Variants in TNN observed in about 807,000 individuals in gnomAD.
TNN encodes tenascin-N.
In TNN, 122 loss-of-function variants were observed where a neutral mutation model predicts 134.4. The ratio of observed to expected loss-of-function variants is 0.91; its 90% CI spans 0.78 to 1.06. TNN has a LOEUF of 1.06. TNN is among the 50% of genes least tolerant of loss of function. TNN has a pLI of 0.00. For synonymous variants in TNN, 710 were observed against 670.3 expected (o/e 1.06, Z -0.91); for missense variants, 1,739 against 1,699.4 (o/e 1.02, Z -0.41).
intron 6 of TNN, among the ~76,000 whole-genome samples, chr1:175,086,520 G>A (rs922517428): frequency 1.3e-5 from 2 of 152,198 alleles, no homozygotes; most frequent in African/African-American, 4.8e-5. Flanking sequence ...GCCATTCGGG[G>A]AGACTAATCC....
intron 6 of TNN, among the ~76,000 whole-genome samples, chr1:175,091,513 T>C (rs901840270): frequency 5.3e-5 from 8 of 152,078 alleles, no homozygotes; most frequent in African/African-American, 1.9e-4. Context: ...TCCACCCATG[T>C]GGACATGATG....
intron 1 of TNN, among the ~76,000 whole-genome samples, chr1:175,071,093 T>C (rs996849607): frequency 2.6e-5 from 4 of 152,226 alleles, no homozygotes; most frequent in African/African-American, 9.6e-5. Flanking sequence ...TGGAAATCCA[T>C]GATGATACAC....
chr1:175,097,756 T>C (rs2149432901), intron 8 of TNN, 73 bp downstream of exon 8: 4 of 1,584,572 alleles, frequency 2.5e-6, no homozygotes, highest in Non-Finnish European at 3.4e-6. Context: ...TATCAAAGGA[T>C]GTGGCCTGAG....
At chr1:175,072,063 A>T (rs1252516647) in intron 1 of TNN, among the ~76,000 whole-genome samples, 1 of 152,214 alleles carries the variant, frequency 6.6e-6, no homozygotes, top group Non-Finnish European at 1.5e-5. Context: ...AATTAAAGCC[A>T]CAGGGGTAGA....
chr1:175,082,810 G>A (rs1674228397), intron 4 of TNN, among the ~76,000 whole-genome samples: 1 of 152,118 alleles, frequency 6.6e-6, no homozygotes, highest in African/African-American at 2.4e-5. Context: ...GAGAATTGGA[G>A]GGCCTTGGCT....
chr1:175,130,688 CAT>C (rs1675654934), intron 15 of TNN, among the ~76,000 whole-genome samples: 1 of 152,144 alleles, frequency 6.6e-6, no homozygotes, highest in African/African-American at 2.4e-5. Context: ...ACTTATTGCA[CAT>C]ATATTTATTG....
rs534615357 is a variant in TNN at position 175,141,370 on chromosome 1, G to A, written c.3596-3017G>A. ...GAGTCCCACCTGCATGGGCCACAGT[G>A]GGGACACAACCAGGGATGGATCCCA... On this transcript the variant is annotated intron_variant, in intron 17 of 18. Transcript: ENST00000239462. Among the ~76,000 whole-genome samples, 9 of 152,286 alleles carry A rather than the reference G, an allele frequency of 5.9e-5. No homozygotes were observed. The South Asian group carries it at 1.9e-3, about 32-fold the overall frequency.
chr1:175,077,888 G>A lies in TNN; in HGVS notation c.409+61G>A, dbSNP rs373213499. On this transcript the variant is annotated intron_variant, in intron 2 of 18. Coordinates refer to ENST00000239462, the MANE Select transcript of TNN (RefSeq NM_022093.2). ...TTGATGAGCACCTATTATGTGCCAG[G>A]GTTTCCACTAGCCTCATGAGCACTT... The A allele has an allele frequency of 4.1e-5, 62 of 1,512,732 alleles. No individual in the cohort carries two copies. The African/African-American group carries it at 7.4e-4, about 18-fold the overall frequency. 93.7% of individuals were successfully genotyped at this position (1,512,732 alleles called of 1,614,324 possible). A position where few individuals can be genotyped will look rare whatever the true frequency, so the allele number is the denominator to read the frequency against.
intron 9 of TNN, among the ~76,000 whole-genome samples, chr1:175,111,649 G>T (rs67473919): frequency 0.23 from 35,268 of 151,742 alleles, 4,407 homozygotes; most frequent in African/African-American, 0.31. Flanking sequence ...TCCATTTTTT[G>T]GTGACATCTT....
chr1:175,084,550 C>T (rs55895008), intron 5 of TNN, among the ~76,000 whole-genome samples: 6,289 of 152,210 alleles, frequency 0.041, 160 homozygotes, highest in Non-Finnish European at 0.062. Context: ...AAAAGTAATA[C>T]GCAATCATGA....
chr1:175,116,819 C>A (rs747637683), intron 9 of TNN, 120 bp from the exon 10 acceptor site: 213 of 1,380,400 alleles, frequency 1.5e-4, no homozygotes, highest in Non-Finnish European at 2.0e-4. Context: ...AACTGAAAAC[C>A]AGCATATGAT....
Position 175,142,499 on chromosome 1 carries a change from C to T in TNN, c.3596-1888C>T, listed in dbSNP as rs78435941. On this transcript the variant is annotated intron_variant, in intron 17 of 18. Coordinates refer to ENST00000239462, the MANE Select transcript of TNN (RefSeq NM_022093.2). ...TGAAGTTGTAGACCAGAGGTTCTCA[C>T]ACTGTAGCCTGCGTCAGATCATCGG... Among the ~76,000 whole-genome samples, 1,256 of 152,366 alleles carry T rather than the reference C, an allele frequency of 8.2e-3. 20 individuals are homozygous for T. The highest frequency in any genetic ancestry group is 0.028 in the African/African-American group (1,184 of 41,578).
intron 15 of TNN, among the ~76,000 whole-genome samples, chr1:175,132,215 A>G (rs1446901770): frequency 1.3e-5 from 2 of 152,138 alleles, no homozygotes; most frequent in Admixed American, 6.5e-5. Context: ...AAGTTCTCAG[A>G]GTCTTTGAAA....
intron 1 of TNN, among the ~76,000 whole-genome samples, chr1:175,072,926 CTTTT>C (rs60879960): frequency 1.1e-4 from 5 of 46,766 alleles, no homozygotes; most frequent in Non-Finnish European, 1.8e-4. Flanking sequence ...GAGTCCACGG[CTTTT>C]TTTTTTTTTT....
rs146327558 is a variant in TNN, at chr1:175,127,193, A to G, written c.3045+108A>G. The G allele has an allele frequency of 4.6e-3, 6,278 of 1,368,610 alleles. 20 individuals are homozygous for G. The highest frequency in any genetic ancestry group is 5.8e-3 in the Non-Finnish European group (5,830 of 1,005,954). The allele number at this position is 1,368,610 out of a possible 1,614,324, so 84.8% of individuals were successfully genotyped here. ...GCCTCACGGCAACTTGCTGATCTTTACTGATCACATTGCTGGTTGTACATC... is the reference window on the plus strand; with the variant it reads ...GCCTCACGGCAACTTGCTGATCTTTGCTGATCACATTGCTGGTTGTACATC... On this transcript the variant is annotated intron_variant, in intron 13 of 18. Transcript: ENST00000239462.
At chr1:175,071,059 G>T (rs1673903730) in intron 1 of TNN, among the ~76,000 whole-genome samples, 1 of 152,232 alleles carries the variant, frequency 6.6e-6, no homozygotes, top group South Asian at 2.1e-4. Context: ...TTTGGGGACA[G>T]AATATCTTCT....
At chr1:175,129,163 T>A (rs949289421) in intron 15 of TNN, among the ~76,000 whole-genome samples, 6 of 152,146 alleles carry the variant, frequency 3.9e-5, no homozygotes, top group African/African-American at 1.4e-4. Context: ...ATTACAATGG[T>A]TCGTGATAAA....
intron 15 of TNN, among the ~76,000 whole-genome samples, chr1:175,134,416 G>T (rs895402342): frequency 1.1e-4 from 17 of 152,092 alleles, no homozygotes; most frequent in African/African-American, 4.1e-4. Flanking sequence ...ATGGTGGTGT[G>T]TGCCTGTAAT....
chr1:175,142,216 G>A (rs1216785441), intron 17 of TNN, among the ~76,000 whole-genome samples: 1 of 152,208 alleles, frequency 6.6e-6, no homozygotes. Context: ...TGCTGTGTTT[G>A]CGTGGAAGTG....
Sources: allele counts gnomAD v4.1 joint callset (sites outside exome capture counted in the v4.1 genomes callset), GRCh38; gene constraint gnomAD v4.1.1; transcripts MANE v1.5; gene names NCBI Gene and HGNC (gene_info 2026-07-23, HGNC 2026-07-21).